The following CDH4 variants were observed in gnomAD, a reference collection of about 807,000 sequenced individuals.
The protein encoded by CDH4 is cadherin-4.
In CDH4, 33 loss-of-function variants were observed where a neutral mutation model predicts 86.0. The observed-to-expected ratio is 0.38, with a 90% CI of 0.29 to 0.51. The LOEUF (loss-of-function observed/expected upper bound fraction) is 0.51. CDH4 is among the 20% of genes least tolerant of loss of function. The pLI is 0.86. For synonymous variants in CDH4, 555 were observed against 549.4 expected (o/e 1.01, Z -0.14); for missense variants, 1,114 against 1,307.4 (o/e 0.85, Z 2.28).
At chr20:61,618,097 A>G (rs1415111478) in intron 2 of CDH4, among the ~76,000 whole-genome samples, 1 of 152,048 alleles carries the variant, frequency 6.6e-6, no homozygotes, top group Non-Finnish European at 1.5e-5. Context: ...TTTTCTTTAT[A>G]AATTACCCAG....
Position 61,844,014 on chromosome 20 carries a change from G to A in CDH4, c.577-654G>A, listed in dbSNP as rs530323878. Among the ~76,000 whole-genome samples the A allele has an allele frequency of 3.9e-5, 6 of 152,260 alleles. No homozygotes were observed. The South Asian group carries it at 1.0e-3, about 26-fold the overall frequency. ...GTTTCGCCTCAACTGAGTGAAAGAC[G>A]TGCATCTTGTTTTTAATGCTACCAG... On this transcript the variant is annotated intron_variant, in intron 4 of 15. Transcript: ENST00000614565.
chr20:61,494,653 T>G (rs547883196), intron 2 of CDH4, among the ~76,000 whole-genome samples: 1 of 152,392 alleles, frequency 6.6e-6, no homozygotes, highest in Admixed American at 6.5e-5. Flanking sequence ...AATTATTCTC[T>G]AATAGATTTT....
intron 9 of CDH4, among the ~76,000 whole-genome samples, chr20:61,913,628 C>T (rs1022160121): frequency 2.6e-5 from 4 of 152,206 alleles, no homozygotes; most frequent in East Asian, 1.9e-4. Flanking sequence ...ACCGCCACCC[C>T]GGGAACTGAT....
At chr20:61,712,836 C>T (rs1600901690) in intron 2 of CDH4, among the ~76,000 whole-genome samples, 1 of 152,160 alleles carries the variant, frequency 6.6e-6, no homozygotes, top group Non-Finnish European at 1.5e-5. Context: ...CCCATGCGGT[C>T]CCCTGGGCAG....
At chr20:61,815,950 AAAG>A (rs1980693849) in intron 4 of CDH4, among the ~76,000 whole-genome samples, 1 of 152,148 alleles carries the variant, frequency 6.6e-6, no homozygotes, top group African/African-American at 2.4e-5. Flanking sequence ...TCAATTTACA[AAAG>A]AAGGTTTAAG....
chr20:61,277,256 G>A (rs1166925398), intron 2 of CDH4, among the ~76,000 whole-genome samples: 1 of 152,196 alleles, frequency 6.6e-6, no homozygotes, highest in Non-Finnish European at 1.5e-5. Flanking sequence ...CCTGAGCTAA[G>A]TAAGATGAAT....
chr20:61,428,506 T>C (rs938823969), intron 2 of CDH4, among the ~76,000 whole-genome samples: 6 of 152,196 alleles, frequency 3.9e-5, no homozygotes, highest in African/African-American at 2.4e-5. Flanking sequence ...GATTCATCAA[T>C]TGGACAAGGA....
chr20:61,485,938 A>G (rs1375607893), intron 2 of CDH4, among the ~76,000 whole-genome samples: 1 of 152,018 alleles, frequency 6.6e-6, no homozygotes, highest in Non-Finnish European at 1.5e-5. Flanking sequence ...CACTAATTAC[A>G]CCACCCCCTT....
At chr20:61,856,208 G>T (rs1479045369) in intron 6 of CDH4, among the ~76,000 whole-genome samples, 2 of 152,234 alleles carry the variant, frequency 1.3e-5, no homozygotes, top group African/African-American at 4.8e-5. Flanking sequence ...TGGAAGGACA[G>T]GGTAATGAAG....
intron 4 of CDH4, among the ~76,000 whole-genome samples, chr20:61,809,765 C>T (rs1250172162): frequency 2.6e-5 from 4 of 152,198 alleles, no homozygotes; most frequent in South Asian, 2.1e-4. Context: ...GCTGTTTGGA[C>T]GAAGGCAGAA....
At chr20:61,282,380 C>T (rs1479485652) in intron 2 of CDH4, among the ~76,000 whole-genome samples, 1 of 152,166 alleles carries the variant, frequency 6.6e-6, no homozygotes, top group Admixed American at 6.5e-5. Context: ...AAGAAATTCA[C>T]CTTTGGCTCT....
intron 2 of CDH4, among the ~76,000 whole-genome samples, chr20:61,597,559 C>G (rs62200484): frequency 6.6e-6 from 1 of 152,090 alleles, no homozygotes. Flanking sequence ...ACAGAGGGGC[C>G]GGTTACTTCA....
intron 2 of CDH4, among the ~76,000 whole-genome samples, chr20:61,482,560 T>C (rs942456516): frequency 2.0e-5 from 3 of 152,140 alleles, no homozygotes; most frequent in Non-Finnish European, 2.9e-5. Flanking sequence ...CTGTTCATGG[T>C]AGGTTTCCTG....
chr20:61,322,284 G>A (rs929482109), intron 2 of CDH4, among the ~76,000 whole-genome samples: 5 of 152,192 alleles, frequency 3.3e-5, no homozygotes, highest in Non-Finnish European at 5.9e-5. Flanking sequence ...AGGGGAGGCT[G>A]CTAATTCTGC....
At chr20:61,784,013 C>T (rs868135074) in intron 4 of CDH4, among the ~76,000 whole-genome samples, 1 of 20,508 alleles carries the variant, frequency 4.9e-5, no homozygotes, top group African/African-American at 2.5e-4. Flanking sequence ...AATGTAAGCC[C>T]AGTTCCTTGG....
chr20:61,887,682 G>A (rs1984610226), intron 7 of CDH4, among the ~76,000 whole-genome samples: 1 of 152,234 alleles, frequency 6.6e-6, no homozygotes, highest in African/African-American at 2.4e-5. Context: ...AAGAAATGGA[G>A]ACTTGGAGAA....
chr20:61,737,452 C>T (rs1185743484), intron 2 of CDH4, among the ~76,000 whole-genome samples: 1 of 152,142 alleles, frequency 6.6e-6, no homozygotes, highest in African/African-American at 2.4e-5. Context: ...CACGGCTCCC[C>T]ATCCCACCCC....
intron 2 of CDH4, among the ~76,000 whole-genome samples, chr20:61,743,316 G>A (rs1285889162): frequency 6.6e-6 from 1 of 152,250 alleles, no homozygotes; most frequent in East Asian, 1.9e-4. Context: ...AGGGAGTGCA[G>A]CTGTGTTGTA....
chr20:61,321,635 G>A (rs1029214944), intron 2 of CDH4, among the ~76,000 whole-genome samples: 1 of 152,158 alleles, frequency 6.6e-6, no homozygotes, highest in Non-Finnish European at 1.5e-5. Context: ...AGGACTTCCG[G>A]CTTCGTCAAA....
Sources: allele counts gnomAD v4.1 joint callset (sites outside exome capture counted in the v4.1 genomes callset), GRCh38; gene constraint gnomAD v4.1.1; transcripts MANE v1.5; gene names NCBI Gene and HGNC (gene_info 2026-07-23, HGNC 2026-07-21).